PSD3: variants seen among roughly 807,000 people sequenced by gnomAD.
PSD3 encodes PH and SEC7 domain-containing protein 3.
A neutral mutation model predicts 105.5 loss-of-function variants in PSD3; 49 were observed. The observed-to-expected ratio is 0.46, with a 90% confidence interval of 0.37 to 0.59. The LOEUF (loss-of-function observed/expected upper bound fraction) is 0.59, where lower values mean the gene tolerates loss of function less well. PSD3 is among the 20% of genes least tolerant of loss of function. PSD3 has a pLI of 0.00. For synonymous variants in PSD3, 557 were observed against 457.8 expected (o/e 1.22, Z -2.77); for missense variants, 1,561 against 1,263.8 (o/e 1.24, Z -3.57).
In PSD3 at chr8:18,712,415, C is replaced by T. The variant is rs138560773; in HGVS notation, c.2172+53034G>A. ...AAAGAAGAAAAAATAATTGAATACACACAATAAAAATGATAAAGGGGTATC... is the reference window on the plus strand; with the variant it reads ...AAAGAAGAAAAAATAATTGAATACATACAATAAAAATGATAAAGGGGTATC... On this transcript the variant is annotated intron_variant, in intron 9 of 15. Transcript: ENST00000327040. Among the ~76,000 whole-genome samples the T allele has an allele frequency of 1.4e-3, 216 of 151,798 alleles. 2 individuals carry two copies. In the East Asian group the frequency reaches 0.017, roughly 12 times the overall value.
intron 8 of PSD3, among the ~76,000 whole-genome samples, chr8:18,781,090 C>T (rs1399836066): frequency 6.6e-6 from 1 of 152,050 alleles, no homozygotes; most frequent in Non-Finnish European, 1.5e-5. Flanking sequence ...TTGGAGTTAT[C>T]ATTTCATTTA....
intron 1 of PSD3, among the ~76,000 whole-genome samples, chr8:19,020,289 C>T (rs183290895): frequency 2.0e-4 from 31 of 152,084 alleles, no homozygotes; most frequent in Non-Finnish European, 8.8e-5. Flanking sequence ...AGCAGTACAG[C>T]GTCAGGAGAG....
chr8:19,005,477 T>TG (rs1826629405), intron 1 of PSD3, among the ~76,000 whole-genome samples: 2 of 151,784 alleles, frequency 1.3e-5, no homozygotes, highest in African/African-American at 4.8e-5. Flanking sequence ...CTGGAATTTT[T>TG]GGGGTTTTTT....
rs141835358 is a variant in PSD3 at position 18,804,616 on chromosome 8, G to A, written c.1830-14C>T. The A allele has an allele frequency of 2.5e-6, 4 of 1,611,430 alleles. No homozygotes were observed. Among genetic ancestry groups the A allele is most frequent in the East Asian group, 4.5e-5 (2 of 44,870 alleles). On this transcript the variant is annotated splice_polypyrimidine_tract_variant and intron_variant, in intron 5 of 15. Transcript: ENST00000327040. ...CTAAATTCGTTGCTATAAGAAAACA[G>A]AATAGACTTGGTTATTGAAAGGTAA...
chr8:18,999,694 T>C (rs1249228327), intron 1 of PSD3, among the ~76,000 whole-genome samples: 1 of 151,870 alleles, frequency 6.6e-6, no homozygotes. Context: ...ACAAAATATT[T>C]ATAAAATACA....
intron 15 of PSD3, among the ~76,000 whole-genome samples, chr8:18,536,459 T>C (rs10098042): frequency 6.6e-6 from 1 of 152,124 alleles, no homozygotes; most frequent in Non-Finnish European, 1.5e-5. Context: ...ATTCCGTGGC[T>C]AATCTCCTGG....
chr8:18,562,101 CAG>C (rs1010033994), intron 14 of PSD3, among the ~76,000 whole-genome samples: 15 of 152,220 alleles, frequency 9.9e-5, no homozygotes, highest in Admixed American at 7.2e-4. Flanking sequence ...AATCGGGAAA[CAG>C]AGAACACATT....
At chr8:18,663,621 T>A (rs943091358) in intron 9 of PSD3, among the ~76,000 whole-genome samples, 1 of 152,222 alleles carries the variant, frequency 6.6e-6, no homozygotes, top group African/African-American at 2.4e-5. Flanking sequence ...ACCTTGAGAT[T>A]ACCTTCTATT....
chr8:18,994,921 C>G (rs1047919534), intron 1 of PSD3, among the ~76,000 whole-genome samples: 4 of 151,678 alleles, frequency 2.6e-5, no homozygotes, highest in African/African-American at 9.7e-5. Flanking sequence ...TCTTCTCCAA[C>G]CCCCACCGAG....
chr8:18,704,818 C>T (rs1414132953), intron 9 of PSD3, among the ~76,000 whole-genome samples: 2 of 151,272 alleles, frequency 1.3e-5, no homozygotes, highest in Non-Finnish European at 2.9e-5. Flanking sequence ...GACAAACCAG[C>T]AAAAATATAA....
chr8:18,697,073 T>C (rs1000726522), intron 9 of PSD3, among the ~76,000 whole-genome samples: 2 of 152,006 alleles, frequency 1.3e-5, no homozygotes, highest in African/African-American at 2.4e-5. Context: ...TAAGACTCTC[T>C]TTCTATTTTA....
In PSD3 at chr8:18,838,062, T is replaced by C. The variant is rs559392489; in HGVS notation, c.1634+29612A>G. On this transcript the variant is annotated intron_variant, in intron 4 of 15. Transcript: ENST00000327040. ...TACTAAAGAACATAATTATGAAAGGTTTTAAGTTATCTCATTGATCAAATG... is the reference window on the plus strand; with the variant it reads ...TACTAAAGAACATAATTATGAAAGGCTTTAAGTTATCTCATTGATCAAATG... Among the ~76,000 whole-genome samples, 4 of 152,294 alleles carry C rather than the reference T, an allele frequency of 2.6e-5. 1 individual carries two copies. In the South Asian group the frequency reaches 8.3e-4, roughly 32 times the overall value.
intron 4 of PSD3, among the ~76,000 whole-genome samples, chr8:18,832,292 A>T (rs1813742299): frequency 6.6e-6 from 1 of 152,212 alleles, no homozygotes; most frequent in Non-Finnish European, 1.5e-5. Flanking sequence ...CCAAGGATGC[A>T]CAGAGGTCAT....
intron 8 of PSD3, among the ~76,000 whole-genome samples, chr8:18,798,417 T>C (rs1183743694): frequency 6.6e-6 from 1 of 152,170 alleles, no homozygotes; most frequent in Admixed American, 6.5e-5. Context: ...CCCCTTCCTC[T>C]TATAACAGCT....
intron 11 of PSD3, among the ~76,000 whole-genome samples, chr8:18,601,709 T>G (rs1563366036): frequency 6.6e-6 from 1 of 152,212 alleles, no homozygotes; most frequent in Non-Finnish European, 1.5e-5. Flanking sequence ...AAGCATACCA[T>G]TATTTCCGTT....
chr8:19,007,800 G>A (rs1254106669), intron 1 of PSD3, among the ~76,000 whole-genome samples: 2 of 152,096 alleles, frequency 1.3e-5, no homozygotes, highest in Non-Finnish European at 2.9e-5. Context: ...TTAGCTCATG[G>A]AAAGCAATGG....
At chr8:18,783,370 C>A (rs1223530191) in intron 8 of PSD3, among the ~76,000 whole-genome samples, 1 of 152,112 alleles carries the variant, frequency 6.6e-6, no homozygotes, top group Non-Finnish European at 1.5e-5. Context: ...CAGTCTAATT[C>A]AACTTTTGTC....
At chr8:18,862,732 G>GC (rs1463302221) in intron 4 of PSD3, among the ~76,000 whole-genome samples, 1 of 151,894 alleles carries the variant, frequency 6.6e-6, no homozygotes, top group East Asian at 1.9e-4. Context: ...TGTTGAAACA[G>GC]TTTTTCAAAT....
At chr8:18,650,151 A>G (rs1325692180) in intron 10 of PSD3, among the ~76,000 whole-genome samples, 2 of 152,326 alleles carry the variant, frequency 1.3e-5, no homozygotes, top group Non-Finnish European at 2.9e-5. Flanking sequence ...CTAATAGACA[A>G]TACTGAACTT....
Sources: allele counts gnomAD v4.1 joint callset (sites outside exome capture counted in the v4.1 genomes callset), GRCh38; gene constraint gnomAD v4.1.1; transcripts MANE v1.5; gene names NCBI Gene and HGNC (gene_info 2026-07-23, HGNC 2026-07-21).